Variants in NRXN3 observed in about 807,000 individuals in gnomAD.
The protein encoded by NRXN3 is neurexin 3.
A neutral mutation model predicts 137.6 loss-of-function variants in NRXN3; 32 were observed. The ratio of observed to expected loss-of-function variants is 0.23; its 90% CI spans 0.18 to 0.31. NRXN3 has a LOEUF of 0.31. NRXN3 is among the 10% of genes least tolerant of loss of function. NRXN3 has a pLI of 1.00. For missense variants in NRXN3, 1,574 were observed against 2,062.5 expected (o/e 0.76, Z 4.59); for synonymous variants, 798 against 784.5 (o/e 1.02, Z -0.29).
At chr14:78,479,093 A>G (rs1347230484) in intron 4 of NRXN3, among the ~76,000 whole-genome samples, 3 of 152,232 alleles carry the variant, frequency 2.0e-5, no homozygotes. Flanking sequence ...CCTGTGCTTC[A>G]TAAGTGAGAA....
chr14:78,355,432 C>T (rs2084148750), intron 4 of NRXN3, among the ~76,000 whole-genome samples: 1 of 151,730 alleles, frequency 6.6e-6, no homozygotes, highest in African/African-American at 2.4e-5. Flanking sequence ...TTGTTTTCTC[C>T]TGAGACAGAA....
chr14:79,365,739 A>AAG (rs2093864635), intron 15 of NRXN3, among the ~76,000 whole-genome samples: 1 of 144,788 alleles, frequency 6.9e-6, no homozygotes, highest in Non-Finnish European at 1.5e-5. Context: ...AAAAAAAAAA[A>AAG]AAAAAGAAAA....
intron 15 of NRXN3, among the ~76,000 whole-genome samples, chr14:79,105,046 T>G (rs1163477524): frequency 6.6e-6 from 1 of 152,128 alleles, no homozygotes; most frequent in African/African-American, 2.4e-5. Flanking sequence ...GCAGTTTATT[T>G]CTTGCTTAAG....
intron 4 of NRXN3, among the ~76,000 whole-genome samples, chr14:78,596,221 C>A (rs1566845145): frequency 1.3e-5 from 2 of 152,204 alleles, no homozygotes; most frequent in Non-Finnish European, 2.9e-5. Context: ...GGACTAAAGT[C>A]ATAATGGAAA....
Position 79,578,828 on chromosome 14 carries a change from A to G in NRXN3, c.3445-84950A>G, listed in dbSNP as rs79027804. The stretch of plus-strand genomic sequence containing the variant: ...TGTAGTCAGGGTGGGTGTGTTTACA[A>G]GGGATACAATCCCCTCAAGTCAATT... On this transcript the variant is annotated intron_variant, in intron 16 of 20. Transcript: ENST00000335750. 0.023 allele frequency among the ~76,000 whole-genome samples: 3,437 copies of G among 152,238 alleles called. 198 individuals carry two copies. In the East Asian group the frequency reaches 0.24, roughly 11 times the overall value.
chr14:79,388,547 T>C (rs1403795520), intron 15 of NRXN3, among the ~76,000 whole-genome samples: 1 of 152,080 alleles, frequency 6.6e-6, no homozygotes, highest in Non-Finnish European at 1.5e-5. Flanking sequence ...TTCATTGATC[T>C]GTTGCCCCAT....
intron 20 of NRXN3, among the ~76,000 whole-genome samples, chr14:79,829,941 C>T (rs1568388172): frequency 6.6e-6 from 1 of 152,222 alleles, no homozygotes; most frequent in Non-Finnish European, 1.5e-5. Context: ...CAAATTCAGG[C>T]ACTTCCTCCA....
At chr14:79,813,001 T>C (rs535543820) in intron 20 of NRXN3, among the ~76,000 whole-genome samples, 65 of 152,316 alleles carry the variant, frequency 4.3e-4, no homozygotes, top group African/African-American at 1.5e-3. Context: ...TGTGTATATA[T>C]ATATATATGA....
intron 10 of NRXN3, among the ~76,000 whole-genome samples, chr14:78,864,620 T>C (rs2099081702): frequency 6.6e-6 from 1 of 152,178 alleles, no homozygotes; most frequent in Non-Finnish European, 1.5e-5. Flanking sequence ...TGAGGTATCC[T>C]GTAATAAGAG....
At chr14:79,829,108 T>C (rs2099314935) in intron 20 of NRXN3, among the ~76,000 whole-genome samples, 1 of 152,226 alleles carries the variant, frequency 6.6e-6, no homozygotes. Context: ...CCAGTGTGAT[T>C]CATCATGTTA....
intron 15 of NRXN3, among the ~76,000 whole-genome samples, chr14:79,047,579 ACAACATATGAGGATCTC>A (rs1351342045): frequency 6.6e-6 from 1 of 152,176 alleles, no homozygotes; most frequent in Non-Finnish European, 1.5e-5. Flanking sequence ...ACCTGTATTC[ACAACATATGAGGATCTC>A]CTGCAAATCA....
intron 15 of NRXN3, among the ~76,000 whole-genome samples, chr14:79,244,037 T>C (rs1450534929): frequency 2.0e-5 from 3 of 152,266 alleles, no homozygotes; most frequent in Middle Eastern, 3.4e-3. Flanking sequence ...ATCATCCTTA[T>C]CCTTGCACAA....
intron 9 of NRXN3, among the ~76,000 whole-genome samples, chr14:78,805,296 G>T (rs114511937): frequency 6.6e-6 from 1 of 151,896 alleles, no homozygotes; most frequent in Non-Finnish European, 1.5e-5. Context: ...GGTCATTTTA[G>T]GTTATATTTT....
At chr14:79,473,395 C>T (rs181636946) in intron 16 of NRXN3, among the ~76,000 whole-genome samples, 1 of 152,220 alleles carries the variant, frequency 6.6e-6, no homozygotes, top group East Asian at 1.9e-4. Context: ...CTGTTCCTCC[C>T]ATCTATTGCA....
At chr14:79,100,082 C>A (rs1392014743) in intron 15 of NRXN3, among the ~76,000 whole-genome samples, 2 of 152,190 alleles carry the variant, frequency 1.3e-5, no homozygotes, top group Non-Finnish European at 2.9e-5. Context: ...CTTAAAGAGA[C>A]CATACCAGGG....
At chr14:78,201,014 G>A (rs182853516) in intron 1 of NRXN3, among the ~76,000 whole-genome samples, 1 of 152,280 alleles carries the variant, frequency 6.6e-6, no homozygotes, top group South Asian at 2.1e-4. Flanking sequence ...GCTCTTGAAG[G>A]TCCCTCCTCG....
intron 4 of NRXN3, among the ~76,000 whole-genome samples, chr14:78,467,655 C>T (rs1318564560): frequency 1.3e-5 from 2 of 152,184 alleles, no homozygotes; most frequent in Admixed American, 6.5e-5. Flanking sequence ...ATCAGGTCCA[C>T]CTCTCTTCCT....
chr14:78,687,477 T>C (rs1218633240), intron 6 of NRXN3, among the ~76,000 whole-genome samples: 2 of 152,204 alleles, frequency 1.3e-5, no homozygotes, highest in African/African-American at 4.8e-5. Flanking sequence ...TATTGATGAA[T>C]TGTACATTGA....
At chr14:78,471,332 ACCCC>A (rs869228745) in intron 4 of NRXN3, among the ~76,000 whole-genome samples, 23 of 22,102 alleles carry the variant, frequency 1.0e-3, no homozygotes, top group African/African-American at 5.3e-3. Flanking sequence ...ACACACACAC[ACCCC>A]CAAGAAATTC....
Sources: gnomAD v4.1 joint callset for allele counts (sites outside exome capture counted in the v4.1 genomes callset) on GRCh38, gnomAD v4.1.1 for gene constraint, MANE v1.5 for transcripts, NCBI Gene and HGNC (gene_info 2026-07-23, HGNC 2026-07-21) for gene names.